The following MAP3K19 variants were observed in gnomAD, a reference collection of about 807,000 sequenced individuals.
The protein encoded by MAP3K19 is mitogen-activated protein kinase kinase kinase 19, also known as SPS1/STE20-related protein kinase YSK4.
MAP3K19 carries 91 observed loss-of-function variants against 114.4 expected under a neutral mutation model. The observed-to-expected ratio is 0.80, with a 90% confidence interval of 0.67 to 0.95. MAP3K19 has a LOEUF of 0.95. MAP3K19 is among the 40% of genes least tolerant of loss of function. The pLI, the probability that MAP3K19 is intolerant of heterozygous loss-of-function variation, is 0.00. For synonymous variants in MAP3K19, 518 were observed against 530.5 expected (o/e 0.98, Z 0.32); for missense variants, 1,471 against 1,573.2 (o/e 0.94, Z 1.10).
intron 5 of MAP3K19, among the ~76,000 whole-genome samples, chr2:135,021,473 TAC>T (rs111431630): frequency 0.048 from 7,034 of 145,856 alleles, 180 homozygotes; most frequent in African/African-American, 0.067. Flanking sequence ...CACACACACA[TAC>T]ACACACACAC....
At position 135,021,794 on chromosome 2, in the gene MAP3K19, T is replaced by A. The variant is rs369971986; in HGVS notation, c.59A>T (p.Asp20Val). 3 of 1,611,090 alleles carry A rather than the reference T, an allele frequency of 1.9e-6. No individual in the cohort carries two copies. The African/African-American group carries it at 4.0e-5, about 22-fold the overall frequency. ...HAESLLDICH[D>V]TNSSPTDLMT... ...CAAATCAGTTGGAGAAGAGTTTGTA[T>A]CATGACAAATGTCAAGCAATGACTC... The change falls in exon 5 of 13, where the codon GAT becomes GTT. Residue 20 changes from aspartate (D) to valine (V), a missense_variant. By Grantham distance (152) the Asp-to-Val change is radical. Transcript: ENST00000392915.
chr2:135,008,412 C>T lies in MAP3K19; in HGVS notation c.139-2881G>A, dbSNP rs181232485. 2.1e-4 allele frequency among the ~76,000 whole-genome samples: 32 copies of T among 152,278 alleles called. No homozygotes were observed. In the South Asian group the frequency reaches 5.2e-3, roughly 25 times the overall value. On this transcript the variant is annotated intron_variant, in intron 5 of 12. Transcript: ENST00000392915. ...CTGGGATTACAGGCGTGAGCCACCA[C>T]GCTCAGCCAATAGTACTTCTTTAAT...
intron 12 of MAP3K19, among the ~76,000 whole-genome samples, chr2:134,968,448 G>C (rs1282100738): frequency 6.8e-6 from 1 of 147,996 alleles, no homozygotes; most frequent in African/African-American, 2.5e-5. Flanking sequence ...GGGCAGAGGC[G>C]CCCCTCACCT....
At chr2:135,009,353 T>C (rs1183571814) in intron 5 of MAP3K19, among the ~76,000 whole-genome samples, 2 of 152,134 alleles carry the variant, frequency 1.3e-5, no homozygotes, top group Non-Finnish European at 2.9e-5. Flanking sequence ...AATAGAAAAG[T>C]TGGAGATAGT....
chr2:135,011,284 T>C (rs1687208074), intron 5 of MAP3K19, among the ~76,000 whole-genome samples: 1 of 152,160 alleles, frequency 6.6e-6, no homozygotes, highest in Non-Finnish European at 1.5e-5. Context: ...ACGCCTGTTA[T>C]CCCAGCACTT....
At chr2:135,033,214 C>T (rs1371399243) in intron 2 of MAP3K19, among the ~76,000 whole-genome samples, 1 of 111,314 alleles carries the variant, frequency 9.0e-6, no homozygotes, top group African/African-American at 4.7e-5. Flanking sequence ...CCCTCATCTC[C>T]CAGACGAGGC....
At position 134,986,120 on chromosome 2, in the gene MAP3K19, G is replaced by A; in HGVS notation, c.2752C>T (p.Gln918Ter). The change falls in exon 10 of 13, where the codon CAG (glutamine) becomes TAG (stop). Residue 918 changes from glutamine to a stop codon, truncating the protein, a stop_gained. Transcript: ENST00000392915. LOFTEE classifies it high-confidence loss of function. ...TAATGTACCCAATATTGATATGTCT[G>A]GGAAGATGCACTTTCTTGTTTTGCT... ...FQAKQESASS[Q>*]TYQYWVHYLD... 1 of 1,613,946 alleles carries A rather than the reference G, an allele frequency of 6.2e-7. No individual in the cohort carries two copies. Among genetic ancestry groups the A allele is most frequent in the Non-Finnish European group, 8.5e-7 (1 of 1,179,902 alleles).
intron 12 of MAP3K19, among the ~76,000 whole-genome samples, chr2:134,979,619 G>A (rs886976095): frequency 4.1e-5 from 6 of 146,840 alleles, no homozygotes; most frequent in African/African-American, 7.5e-5. Context: ...TTGTCTATAC[G>A]ATTTTCCAAC....
chr2:134,997,820 A>AAAAAACAAAAAAAAAC lies in MAP3K19; in HGVS notation c.574+917_574+918insGTTTTTTTTTGTTTTT, dbSNP rs1553542179. Among the ~76,000 whole-genome samples, 327 of 148,492 alleles carry AAAAAACAAAAAAAAAC rather than the reference A, an allele frequency of 2.2e-3. 23 individuals carry two copies. Among genetic ancestry groups the AAAAAACAAAAAAAAAC allele is most frequent in the African/African-American group, 6.9e-3 (274 of 39,662 alleles). ...GTGACAGAGCGAGACTCCGTCTCAAAAAAAAAAAAACTTTAAGCACTGCTT... is the reference window on the plus strand; with the variant it reads ...GTGACAGAGCGAGACTCCGTCTCAAAAAAAACAAAAAAAAACAAAAAAAAAACTTTAAGCACTGCTT... On this transcript the variant is annotated intron_variant, in intron 8 of 12. Transcript: ENST00000392915.
At position 134,987,101 on chromosome 2, in the gene MAP3K19, G is replaced by T; in HGVS notation, c.1771C>A (p.Gln591Lys). 6.2e-7 allele frequency: 1 copy of T among 1,613,396 alleles called. No individual in the cohort carries two copies. Among genetic ancestry groups the T allele is most frequent in the South Asian group, 1.1e-5 (1 of 91,078 alleles). Residue 591 changes from glutamine (Q) to lysine (K), a missense_variant, in exon 10 of 13, where the codon CAA (glutamine) becomes AAA (lysine). Gln to Lys is a moderately conservative substitution (Grantham distance 53). Transcript: ENST00000392915. ...DPRPWQLPRFQKKMPQIAKKQ... is the reference protein window; with the variant it reads ...DPRPWQLPRFKKKMPQIAKKQ... ...TTTGCTATCTGTGGCATTTTCTTTT[G>T]AAACCTGGGCAATTGCCAAGGCCTG...
intron 8 of MAP3K19, among the ~76,000 whole-genome samples, chr2:134,996,219 A>G (rs1161124507): frequency 6.6e-6 from 1 of 151,346 alleles, no homozygotes; most frequent in Non-Finnish European, 1.5e-5. Context: ...TCAGCCTCCC[A>G]AAGTGCTGGG....
intron 12 of MAP3K19, among the ~76,000 whole-genome samples, chr2:134,965,379 A>G (rs2105116135): frequency 6.6e-6 from 1 of 152,376 alleles, no homozygotes; most frequent in East Asian, 1.9e-4. Flanking sequence ...TTGGTGATTA[A>G]TTGAAATAAT....
chr2:134,982,164 C>CTGGAGTGCA (rs1019952712), intron 11 of MAP3K19, among the ~76,000 whole-genome samples: 3 of 134,976 alleles, frequency 2.2e-5, no homozygotes, highest in African/African-American at 8.6e-5. Context: ...GTCACCCAGG[C>CTGGAGTGCA]TGGAGTGCAG....
Position 134,999,083 on chromosome 2 carries a change from G to A in MAP3K19, c.315-86C>T. 1.4e-6 allele frequency: 2 copies of A among 1,440,970 alleles called. No individual in the cohort carries two copies. The highest frequency in any genetic ancestry group is 1.9e-4 in the Middle Eastern group (1 of 5,346). 89.3% of individuals were successfully genotyped at this position (1,440,970 alleles called of 1,614,324 possible). ...TCCTCAGTTCAGCCTGACATCACTA[G>A]AAAGTTTGAAGAACTACTTCCAAAT... On this transcript the variant is annotated intron_variant, in intron 7 of 12. Coordinates refer to ENST00000392915, the MANE Select transcript of MAP3K19 (RefSeq NM_025052.5). This position sits in a 1 kb window ranked among gnomAD's most constrained non-coding sequence, Gnocchi z 4.1.
chr2:135,031,433 T>A (rs972289504), intron 2 of MAP3K19, among the ~76,000 whole-genome samples: 1 of 151,966 alleles, frequency 6.6e-6, no homozygotes. Flanking sequence ...TGGAAGGAGT[T>A]AGGTATGTCT....
chr2:134,994,941 A>T (rs775782135), intron 8 of MAP3K19, among the ~76,000 whole-genome samples: 53 of 152,230 alleles, frequency 3.5e-4, no homozygotes, highest in Non-Finnish European at 6.8e-4. Flanking sequence ...GACAACAAAC[A>T]ACTCTATCTT....
intron 1 of MAP3K19, among the ~76,000 whole-genome samples, chr2:135,041,390 G>C (rs1688643760): frequency 6.6e-6 from 1 of 151,042 alleles, no homozygotes; most frequent in African/African-American, 2.4e-5. Context: ...GCCCAGGCTA[G>C]AGGGCTGTGT....
In MAP3K19 at chr2:134,964,978, C is replaced by G. The variant is rs1264874064; in HGVS notation, c.3921-62G>C. On this transcript the variant is annotated intron_variant, in intron 12 of 12. Transcript: ENST00000392915. ...CAGTAATGAGACTGCCAATGTAGAT[C>G]TACTTAAATGTGAACTTTTAAAGAC... 3.2e-6 allele frequency: 4 copies of G among 1,246,042 alleles called. No individual in the cohort carries two copies. The Admixed American group carries it at 5.6e-5, about 17-fold the overall frequency. 77.2% of individuals were successfully genotyped at this position (1,246,042 alleles called of 1,614,324 possible). A position where few individuals can be genotyped will look rare whatever the true frequency, so the allele number is the denominator to read the frequency against.
chr2:135,025,366 C>CCTTTT (rs201782653), intron 3 of MAP3K19, among the ~76,000 whole-genome samples: 2 of 129,660 alleles, frequency 1.5e-5, no homozygotes, highest in Non-Finnish European at 3.1e-5. Flanking sequence ...CTCCACATGG[C>CCTTTT]CTTTTCTTTT....
Sources: gnomAD v4.1 joint callset for allele counts (sites outside exome capture counted in the v4.1 genomes callset) on GRCh38, gnomAD v4.1.1 for gene constraint, Gnocchi (gnomAD v3.1) non-coding constraint, MANE v1.5 for transcripts, NCBI Gene and HGNC (gene_info 2026-07-23, HGNC 2026-07-21) for gene names.